The following PTPRM variants were observed in gnomAD, a reference collection of about 807,000 sequenced individuals.
PTPRM encodes protein tyrosine phosphatase receptor type M.
Under a neutral mutation model 186.7 loss-of-function variants are expected in PTPRM, and 47 were observed. The ratio of observed to expected loss-of-function variants is 0.25; its 90% CI spans 0.20 to 0.32. The LOEUF is 0.32. Ranked by LOEUF, PTPRM falls within the 10% of genes least tolerant of loss-of-function variation. The pLI, the probability that PTPRM is intolerant of heterozygous loss-of-function variation, is 1.00. For missense variants in PTPRM, 1,494 were observed against 1,865.0 expected, an observed-to-expected ratio of 0.80 and a Z score of 3.66; for synonymous variants, 668 against 674.9, an observed-to-expected ratio of 0.99 and a Z score of 0.16.
At chr18:8,042,954 T>A (rs1038102449) in intron 7 of PTPRM, among the ~76,000 whole-genome samples, 6 of 152,086 alleles carry the variant, frequency 3.9e-5, no homozygotes, top group Non-Finnish European at 7.4e-5. Flanking sequence ...AGGCTTCCCC[T>A]CTTCACTCCG....
intron 2 of PTPRM, among the ~76,000 whole-genome samples, chr18:7,819,543 C>G (rs1033694384): frequency 1.3e-5 from 2 of 152,200 alleles, no homozygotes; most frequent in Non-Finnish European, 2.9e-5. Flanking sequence ...CTGGCTCCCC[C>G]ATCTGCTGAG....
intron 4 of PTPRM, among the ~76,000 whole-genome samples, chr18:7,908,561 TC>T (rs1366885807): frequency 3.3e-5 from 5 of 152,216 alleles, no homozygotes; most frequent in African/African-American, 1.2e-4. Context: ...GGGGTTTTGC[TC>T]TCTCTGATAT....
At chr18:8,080,791 C>T (rs916527249) in intron 9 of PTPRM, among the ~76,000 whole-genome samples, 1 of 152,240 alleles carries the variant, frequency 6.6e-6, no homozygotes, top group East Asian at 1.9e-4. Context: ...TACTATTTTT[C>T]TTCTGGAACT....
In PTPRM at chr18:8,202,456, C is replaced by A. The variant is rs1489503145; in HGVS notation, c.2301-41602C>A. Among the ~76,000 whole-genome samples the A allele has an allele frequency of 3.3e-5, 5 of 152,202 alleles. No homozygotes were observed. In the East Asian group the frequency reaches 5.8e-4, roughly 18 times the overall value. On this transcript the variant is annotated intron_variant, in intron 14 of 32. Transcript: ENST00000580170. ...AGGACTGAAAAACAGTCAGTAAGCA[C>A]CTCTACTTTTTGCCTATGGCATGCA...
chr18:8,126,027 A>ATATATATATAT (rs57751538), intron 13 of PTPRM, among the ~76,000 whole-genome samples: 2 of 69,542 alleles, frequency 2.9e-5, no homozygotes, highest in Non-Finnish European at 5.7e-5. Context: ...ATATATATAT[A>ATATATATATAT]TTTTAAATCA....
chr18:7,595,550 A>G (rs2037234942), intron 1 of PTPRM, among the ~76,000 whole-genome samples: 1 of 152,166 alleles, frequency 6.6e-6, no homozygotes, highest in African/African-American at 2.4e-5. Context: ...CTCTATGATA[A>G]TGTCATCCTA....
intron 7 of PTPRM, among the ~76,000 whole-genome samples, chr18:7,996,743 A>G (rs1257737078): frequency 6.6e-6 from 1 of 151,822 alleles, no homozygotes; most frequent in Non-Finnish European, 1.5e-5. Context: ...CTATACCTAA[A>G]CAGCAAACAA....
chr18:8,121,320 A>G (rs1182330863), intron 13 of PTPRM, among the ~76,000 whole-genome samples: 1 of 152,216 alleles, frequency 6.6e-6, no homozygotes, highest in Non-Finnish European at 1.5e-5. Flanking sequence ...CACATTTCTA[A>G]TAGTACCCAG....
At chr18:8,126,016 TATATATA>T (rs1444469463) in intron 13 of PTPRM, among the ~76,000 whole-genome samples, 977 of 29,586 alleles carry the variant, frequency 0.033, 89 homozygotes, top group Admixed American at 0.078. Flanking sequence ...TATATATATA[TATATATA>T]TATATTTTAA....
At chr18:7,577,002 A>G (rs2143430876) in intron 1 of PTPRM, among the ~76,000 whole-genome samples, 1 of 152,354 alleles carries the variant, frequency 6.6e-6, no homozygotes, top group Admixed American at 6.5e-5. Context: ...CTCAATAAAT[A>G]TTTGTTGAAT....
chr18:7,858,565 C>CA (rs1226821506), intron 2 of PTPRM, among the ~76,000 whole-genome samples: 14 of 151,982 alleles, frequency 9.2e-5, no homozygotes, highest in Admixed American at 8.5e-4. Context: ...TTTTAGAAAA[C>CA]AAAAAATAAG....
chr18:8,141,489 G>A (rs1381030140), intron 13 of PTPRM, among the ~76,000 whole-genome samples: 2 of 152,216 alleles, frequency 1.3e-5, no homozygotes, highest in Admixed American at 6.5e-5. Flanking sequence ...TAAAGGGGAT[G>A]AAAGGCTGCA....
chr18:8,054,983 T>C lies in PTPRM; in HGVS notation c.1133-14703T>C, dbSNP rs193235363. ...TGTTTTTTGCCTTCCACTGTTGTTGTCTAGAACTCTTTGTTCAATCTGCCA... is the reference window on the plus strand; with the variant it reads ...TGTTTTTTGCCTTCCACTGTTGTTGCCTAGAACTCTTTGTTCAATCTGCCA... On this transcript the variant is annotated intron_variant, in intron 7 of 32. Coordinates refer to ENST00000580170, the MANE Select transcript of PTPRM (RefSeq NM_001105244.2). Among the ~76,000 whole-genome samples the C allele has an allele frequency of 2.0e-5, 3 of 152,062 alleles. No homozygotes were observed. The East Asian group carries it at 5.8e-4, about 29-fold the overall frequency.
chr18:8,065,350 C>G (rs914093809), intron 7 of PTPRM, among the ~76,000 whole-genome samples: 1 of 152,158 alleles, frequency 6.6e-6, no homozygotes, highest in African/African-American at 2.4e-5. Flanking sequence ...GCTTGCTCGT[C>G]CCTTAGGTCA....
At position 7,949,232 on chromosome 18, in the gene PTPRM, C is replaced by T. The variant is rs2052769831; in HGVS notation, c.715C>T (p.Arg239Ter). ...GAAGGAAATCAAGGTGACCAGCTCC[C>T]GACGCTTCATTGCTTCATTTAATGT... ...PLKEIKVTSS[R>*]RFIASFNVVN... Residue 239 changes from arginine to a stop codon, truncating the protein, a stop_gained, in exon 6 of 33, where the codon CGA becomes TGA. Transcript: ENST00000580170. LOFTEE classifies it high-confidence loss of function. 2 of 1,611,850 alleles carry T rather than the reference C, an allele frequency of 1.2e-6. No homozygotes were observed. The highest frequency in any genetic ancestry group is 1.7e-6 in the Non-Finnish European group (2 of 1,177,940).
chr18:8,238,905 T>G (rs1015994801), intron 14 of PTPRM, among the ~76,000 whole-genome samples: 1 of 151,696 alleles, frequency 6.6e-6, no homozygotes, highest in Non-Finnish European at 1.5e-5. Context: ...GGGATGGAGT[T>G]GTATTTCTTC....
intron 1 of PTPRM, among the ~76,000 whole-genome samples, chr18:7,720,994 G>A (rs2040435109): frequency 6.6e-6 from 1 of 152,018 alleles, no homozygotes; most frequent in Non-Finnish European, 1.5e-5. Flanking sequence ...ATACTCAAAT[G>A]GAATGCAGGA....
intron 2 of PTPRM, among the ~76,000 whole-genome samples, chr18:7,833,558 ACT>A (rs2145746686): frequency 6.6e-6 from 1 of 151,922 alleles, no homozygotes; most frequent in Admixed American, 6.6e-5. Context: ...ATATGGTGAA[ACT>A]CTGTCTCTAC....
chr18:8,241,707 T>G (rs1302274321), intron 14 of PTPRM, among the ~76,000 whole-genome samples: 1 of 152,192 alleles, frequency 6.6e-6, no homozygotes, highest in Non-Finnish European at 1.5e-5. Context: ...ACTTGCCTGG[T>G]CCCAGGGAGA....
Sources: allele counts gnomAD v4.1 joint callset (sites outside exome capture counted in the v4.1 genomes callset), GRCh38; gene constraint gnomAD v4.1.1; transcripts MANE v1.5; gene names NCBI Gene and HGNC (gene_info 2026-07-23, HGNC 2026-07-21).